Variants in SOCS7 observed in about 807,000 individuals in gnomAD.
SOCS7 encodes NAP-4.
Under a neutral mutation model 58.9 loss-of-function variants are expected in SOCS7, and 18 were observed. The observed-to-expected ratio is 0.31, with a 90% CI of 0.21 to 0.45. The LOEUF (loss-of-function observed/expected upper bound fraction) is 0.45. SOCS7 is among the 20% of genes least tolerant of loss of function. The pLI, the probability that SOCS7 is intolerant of heterozygous loss-of-function variation, is 1.00. For synonymous variants in SOCS7, 388 were observed against 364.3 expected, an observed-to-expected ratio of 1.06 and a Z score of -0.74; for missense variants, 667 against 837.3, an observed-to-expected ratio of 0.80 and a Z score of 2.51.
intron 1 of SOCS7, among the ~76,000 whole-genome samples, chr17:38,354,545 G>A (rs1014802613): frequency 6.6e-6 from 1 of 152,190 alleles, no homozygotes; most frequent in East Asian, 1.9e-4. Flanking sequence ...AAAGAAATCA[G>A]TGTGTTGTCC....
At chr17:38,366,443 G>T (rs767266190) in intron 5 of SOCS7, 26 bp downstream of exon 5, 2 of 1,613,666 alleles carry the variant, frequency 1.2e-6, no homozygotes, top group Non-Finnish European at 1.7e-6. Context: ...GGACTGGCAG[G>T]TCACTTCTCC....
rs1386278124 is a variant in SOCS7, at chr17:38,395,243, A to C, written c.1682-66A>C. The C allele has an allele frequency of 3.2e-6, 5 of 1,562,088 alleles. No homozygotes were observed. The South Asian group carries it at 4.6e-5, about 14-fold the overall frequency. On this transcript the variant is annotated intron_variant, in intron 7 of 9. Transcript: ENST00000612932. ...CATTTCCCCTCCCTAGGTTCTCTTCATACAAGAAATGGTAGTTAGCTCCAT... is the reference window on the plus strand; with the variant it reads ...CATTTCCCCTCCCTAGGTTCTCTTCCTACAAGAAATGGTAGTTAGCTCCAT...
intron 7 of SOCS7, among the ~76,000 whole-genome samples, chr17:38,385,579 CTAA>C (rs1175581655): frequency 2.0e-5 from 3 of 151,992 alleles, no homozygotes; most frequent in African/African-American, 7.3e-5. Flanking sequence ...GTGCCCCATA[CTAA>C]TCTCTACACC....
chr17:38,388,113 A>G (rs1336392924), intron 7 of SOCS7, among the ~76,000 whole-genome samples: 1 of 152,058 alleles, frequency 6.6e-6, no homozygotes, highest in Non-Finnish European at 1.5e-5. Context: ...AGTTATAATT[A>G]TTGAAGCTCG....
chr17:38,396,073 C>G, intron 9 of SOCS7, 75 bp downstream of exon 9: 1 of 1,277,286 alleles, frequency 7.8e-7, no homozygotes, highest in African/African-American at 1.5e-5. Flanking sequence ...GCCTTGGGCC[C>G]CCTCCCCACA....
chr17:38,355,350 T>C (rs2037623520), intron 1 of SOCS7, among the ~76,000 whole-genome samples: 1 of 152,196 alleles, frequency 6.6e-6, no homozygotes, highest in Non-Finnish European at 1.5e-5. Context: ...AGATAAGTAA[T>C]AGGACTGAGC....
Position 38,395,366 on chromosome 17 carries a change from A to G in SOCS7, c.1739A>G (p.Lys580Arg), listed in dbSNP as rs768123387. The G allele has an allele frequency of 1.2e-6, 2 of 1,614,106 alleles. No homozygotes were observed. The highest frequency in any genetic ancestry group is 1.7e-6 in the Non-Finnish European group (2 of 1,180,018). The change falls in exon 8 of 10, where the codon AAA (lysine) becomes AGA (arginine). Residue 580 changes from lysine to arginine, a missense_variant. Around this residue, in one of 9 missense-constraint regions of SOCS7, gnomAD observed 76 missense variants for 194.5 expected, o/e 0.39. Transcript: ENST00000612932. The stretch of plus-strand genomic sequence containing the variant: ...CCAGTGTCCCGATTCAGCAATGTCA[A>G]ATCCCTCCAGCACCTTTGCAGATTC... ...LYPVSRFSNVKSLQHLCRFRI... is the reference protein window; with the variant it reads ...LYPVSRFSNVRSLQHLCRFRI...
At chr17:38,356,441 G>A (rs1345658976) in intron 1 of SOCS7, among the ~76,000 whole-genome samples, 1 of 151,572 alleles carries the variant, frequency 6.6e-6, no homozygotes, top group Non-Finnish European at 1.5e-5. Flanking sequence ...GCAGTGGCCC[G>A]ATCTTGGCTC....
At position 38,364,664 on chromosome 17, in the gene SOCS7, C is replaced by T. The variant is rs587643301; in HGVS notation, c.1046-88C>T. The T allele has an allele frequency of 1.6e-4, 169 of 1,059,880 alleles. No homozygotes were observed. In the South Asian group the frequency reaches 2.0e-3, roughly 13 times the overall value. The allele number at this position is 1,059,880 out of a possible 1,614,324, so 65.7% of individuals were successfully genotyped here. A position where few individuals can be genotyped will look rare whatever the true frequency, so the allele number is the denominator to read the frequency against. ...TCTGAGAGCAGCAGACCCCCAGCCT[C>T]GCCTGCTTGCCCTTTGCTTCCCTTT... On this transcript the variant is annotated intron_variant, in intron 2 of 9. Coordinates refer to ENST00000612932, the MANE Select transcript of SOCS7 (RefSeq NM_014598.4).
intron 1 of SOCS7, among the ~76,000 whole-genome samples, chr17:38,357,649 A>G (rs1305692318): frequency 6.6e-6 from 1 of 152,250 alleles, no homozygotes; most frequent in East Asian, 1.9e-4. Context: ...CCTGTAGCAC[A>G]TGAACAGACA....
At position 38,352,108 on chromosome 17, in the gene SOCS7, G is replaced by C; in HGVS notation, c.56G>C (p.Arg19Pro). 1 of 607,748 alleles carries C rather than the reference G, an allele frequency of 1.6e-6. No individual in the cohort carries two copies. The allele number at this position is 607,748 out of a possible 1,614,324, so 37.6% of individuals were successfully genotyped here. The stretch of plus-strand genomic sequence containing the variant: ...GCGGCGGCGGCGGCCGCTTCGTACC[G>C]CGTCCTGAGCCGCCTCCTTGGCTAT... ...GEAAAAAASYRVLSRLLGYGE... is the reference protein window; with the variant it reads ...GEAAAAAASYPVLSRLLGYGE... The change falls in exon 1 of 10, where the codon CGC becomes CCC. Residue 19 changes from arginine to proline, a missense_variant. Around this residue, in one of 9 missense-constraint regions of SOCS7, gnomAD observed 65 missense variants for 51.0 expected, o/e 1.27. Coordinates refer to ENST00000612932, the MANE Select transcript of SOCS7 (RefSeq NM_014598.4). This position sits in a 1 kb window ranked among gnomAD's most constrained non-coding sequence, Gnocchi z 5.5.
At position 38,379,905 on chromosome 17, in the gene SOCS7, C is replaced by T. The variant is rs936962267; in HGVS notation, c.1681+2063C>T. On this transcript the variant is annotated intron_variant, in intron 7 of 9. Transcript: ENST00000612932. ...TAATTATCAAAAATAAGCTACCTTT[C>T]TGCCTTCAGAGAAGTCATAGTCTAA... Among the ~76,000 whole-genome samples, 2 of 152,132 alleles carry T rather than the reference C, an allele frequency of 1.3e-5. 1 individual carries two copies. The highest frequency in any genetic ancestry group is 3.9e-4 in the East Asian group (2 of 5,192).
intron 4 of SOCS7, 59 bp downstream of exon 4, chr17:38,365,468 A>G (rs2037777671): frequency 9.2e-7 from 1 of 1,086,214 alleles, no homozygotes; most frequent in South Asian, 1.6e-5. Flanking sequence ...GATACTTTCT[A>G]CCATAGAAGG....
At chr17:38,387,153 G>GTATGTATATATATATATATAT (rs2038086241) in intron 7 of SOCS7, among the ~76,000 whole-genome samples, 1 of 92,290 alleles carries the variant, frequency 1.1e-5, no homozygotes, top group Non-Finnish European at 2.0e-5. Flanking sequence ...ATATATATAT[G>GTATGTATATATATATATATAT]ATTAATTCAG....
chr17:38,387,585 T>C (rs369888539), intron 7 of SOCS7, among the ~76,000 whole-genome samples: 1 of 109,088 alleles, frequency 9.2e-6, no homozygotes, highest in African/African-American at 5.1e-5. Context: ...CACAATATAT[T>C]GTATATATTA....
rs899193982 is a variant in SOCS7 at position 38,398,247 on chromosome 17, T to C, written c.*31-1266T>C. 1.7e-3 allele frequency among the ~76,000 whole-genome samples: 257 copies of C among 151,222 alleles called. 4 individuals carry two copies. The highest frequency in any genetic ancestry group is 5.9e-3 in the African/African-American group (243 of 41,200). ...CACTTCCCAAGGGAAAGGTCTTTTTTTTTTTTTTTTTTGAGATGGAGTTTC... is the reference window on the plus strand; with the variant it reads ...CACTTCCCAAGGGAAAGGTCTTTTTCTTTTTTTTTTTTGAGATGGAGTTTC... On this transcript the variant is annotated intron_variant, in intron 9 of 9. Coordinates refer to ENST00000612932, the MANE Select transcript of SOCS7 (RefSeq NM_014598.4).
intron 1 of SOCS7, among the ~76,000 whole-genome samples, chr17:38,359,899 T>A (rs1039596079): frequency 6.6e-6 from 1 of 151,382 alleles, no homozygotes; most frequent in Admixed American, 6.6e-5. Flanking sequence ...CATCTCACAC[T>A]CCTGAGTAAC....
At chr17:38,387,133 G>GTGTATGTATATATATA (rs1269515665) in intron 7 of SOCS7, among the ~76,000 whole-genome samples, 1,722 of 72,898 alleles carry the variant, frequency 0.024, 41 homozygotes, top group Middle Eastern at 0.095. Flanking sequence ...ATATATGTAT[G>GTGTATGTATATATATA]TATATATATA....
Position 38,352,175 on chromosome 17 carries a change from G to C in SOCS7, c.123G>C (p.Pro41=). The C allele has an allele frequency of 8.4e-7, 1 of 1,186,036 alleles. No individual in the cohort carries two copies. The highest frequency in any genetic ancestry group is 1.0e-6 in the Non-Finnish European group (1 of 957,808). The allele number at this position is 1,186,036 out of a possible 1,614,324, so 73.5% of individuals were successfully genotyped here. A position where few individuals can be genotyped will look rare whatever the true frequency, so the allele number is the denominator to read the frequency against. ...APEPGPPPPP[P]GHGPPPPPFL... is the part of the protein sequence containing the mutation. ...AGCCAGGCCCTCCGCCACCGCCCCC[G>C]GGCCATGGCCCCCCGCCGCCACCCT... The change falls in exon 1 of 10, where the codon CCG becomes CCC. Residue 41 remains proline, a synonymous_variant. Coordinates refer to ENST00000612932, the MANE Select transcript of SOCS7 (RefSeq NM_014598.4). The surrounding 1 kb of genome is among the most constrained non-coding windows in gnomAD (Gnocchi z 5.5).
Sources: gnomAD v4.1 joint callset for allele counts (sites outside exome capture counted in the v4.1 genomes callset) on GRCh38, gnomAD v4.1.1 for gene constraint, gnomAD v4.1.1 regional missense constraint, Gnocchi (gnomAD v3.1) non-coding constraint, MANE v1.5 for transcripts, NCBI Gene and HGNC (gene_info 2026-07-23, HGNC 2026-07-21) for gene names.